The following ENAH variants were observed in gnomAD, a reference collection of about 807,000 sequenced individuals.
ENAH encodes protein enabled homolog.
In ENAH, 23 loss-of-function variants were observed where a neutral mutation model predicts 78.7. The observed-to-expected ratio is 0.29, with a 90% CI of 0.21 to 0.41. The LOEUF is 0.41. Among genes scored for constraint, ENAH ranks in the 10% least tolerant of loss-of-function variants. The pLI is 1.00. For missense variants in ENAH, 544 were observed against 691.0 expected, an observed-to-expected ratio of 0.79 and a Z score of 2.39; for synonymous variants, 226 against 241.0, an observed-to-expected ratio of 0.94 and a Z score of 0.58.
At chr1:225,532,605 A>G (rs2096543290) in intron 3 of ENAH, among the ~76,000 whole-genome samples, 1 of 152,118 alleles carries the variant, frequency 6.6e-6, no homozygotes, top group Admixed American at 6.6e-5. Context: ...TCAAAATTTC[A>G]ACTCAATCCT....
chr1:225,491,034 A>G lies in ENAH; in HGVS notation c.*6741T>C, dbSNP rs1207881408. ...TGATCAATGGGTGGAGGGAAACTCC[A>G]TATTTAAAATGCCCAGTGCCTCGGT... On this transcript the variant is annotated 3_prime_UTR_variant, in exon 14 of 14. Coordinates refer to ENST00000366843, the MANE Select transcript of ENAH (RefSeq NM_018212.6). 1 of 152,108 alleles carries G rather than the reference A, an allele frequency of 6.6e-6. No homozygotes were observed. The highest frequency in any genetic ancestry group is 2.4e-5 in the African/African-American group (1 of 41,456). The allele number at this position is 152,108 out of a possible 1,614,324, so 9.4% of individuals were successfully genotyped here.
chr1:225,602,471 G>C (rs182350944), intron 1 of ENAH, among the ~76,000 whole-genome samples: 6 of 152,038 alleles, frequency 3.9e-5, no homozygotes, highest in Non-Finnish European at 8.8e-5. Context: ...GTGTTTTTTT[G>C]TTGTTAATTA....
At position 225,540,697 on chromosome 1, in the gene ENAH, A is replaced by T. The variant is rs893637965; in HGVS notation, c.350-10059T>A. On this transcript the variant is annotated intron_variant, in intron 3 of 13. Coordinates refer to ENST00000366843, the MANE Select transcript of ENAH (RefSeq NM_018212.6). Reference sequence around the variant, plus strand: ...TTACCAAGTTTTAAAACGTTTATTTAAAAAAAAAAAAAAAACTAAAGAATC... The same window carrying T: ...TTACCAAGTTTTAAAACGTTTATTTTAAAAAAAAAAAAAAACTAAAGAATC... Among the ~76,000 whole-genome samples, 98 of 119,166 alleles carry T rather than the reference A, an allele frequency of 8.2e-4. 1 individual carries two copies. In the South Asian group the frequency reaches 0.026, roughly 32 times the overall value. The allele number at this position is 119,166 out of a possible 152,430, so 78.2% of individuals were successfully genotyped here.
At chr1:225,639,705 A>AACACACAC (rs374646635) in intron 1 of ENAH, among the ~76,000 whole-genome samples, 5,450 of 138,558 alleles carry the variant, frequency 0.039, 166 homozygotes, top group African/African-American at 0.089. Context: ...GGCGGGATTA[A>AACACACAC]ACACACACAC....
chr1:225,517,197 C>G lies in ENAH; in HGVS notation c.912G>C (p.Gln304His), dbSNP rs1481962498. 1 of 1,530,180 alleles carries G rather than the reference C, an allele frequency of 6.5e-7. No individual in the cohort carries two copies. 94.8% of individuals were successfully genotyped at this position (1,530,180 alleles called of 1,614,324 possible). A position where few individuals can be genotyped will look rare whatever the true frequency, so the allele number is the denominator to read the frequency against. Residue 304 changes from glutamine (Q) to histidine (H), a missense_variant and splice_region_variant, in exon 6 of 14, where the codon CAG becomes CAC. Physicochemically the swap from Gln to His is conservative, Grantham distance 24. Transcript: ENST00000366843. ...ASQPAETPSQ[Q>H]GIVLGPLAPP... ...TAGTAGCAATAATGAAAGCCTTACC[C>G]TGTTGGGATGGAGTCTCGGCCGGCT...
At chr1:225,504,923 A>G (rs1219711042) in intron 11 of ENAH, 1 of 1,206,342 alleles carries the variant, frequency 8.3e-7, no homozygotes, top group Non-Finnish European at 1.2e-6. Flanking sequence ...CCAGGTAGAA[A>G]AAGCTCAGCC....
intron 1 of ENAH, among the ~76,000 whole-genome samples, chr1:225,600,546 C>T (rs1468466783): frequency 6.6e-6 from 1 of 152,102 alleles, no homozygotes; most frequent in Non-Finnish European, 1.5e-5. Context: ...AAGCAACGAC[C>T]TAAGTGAGCT....
intron 1 of ENAH, among the ~76,000 whole-genome samples, chr1:225,632,381 T>C (rs1575801254): frequency 6.6e-6 from 1 of 151,702 alleles, no homozygotes; most frequent in African/African-American, 2.4e-5. Context: ...GCCTGTAATC[T>C]CAGCTACTCA....
intron 4 of ENAH, among the ~76,000 whole-genome samples, chr1:225,522,898 CT>C (rs766275546): frequency 9.2e-5 from 14 of 151,450 alleles, no homozygotes; most frequent in Non-Finnish European, 1.9e-4. Context: ...GTTTTTAGAT[CT>C]TTGAGCATTT....
Position 225,488,408 on chromosome 1 carries a change from C to T in ENAH, c.*9367G>A, listed in dbSNP as rs1055278715. ...GGCATTCACTCTGCCTGAAGTTGTGCTCTGCTCACAGCACGAGTGTGGCTG... is the reference window on the plus strand; with the variant it reads ...GGCATTCACTCTGCCTGAAGTTGTGTTCTGCTCACAGCACGAGTGTGGCTG... On this transcript the variant is annotated 3_prime_UTR_variant, in exon 14 of 14. Coordinates refer to ENST00000366843, the MANE Select transcript of ENAH (RefSeq NM_018212.6). 6.6e-6 allele frequency: 1 copy of T among 152,168 alleles called. No homozygotes were observed. Among genetic ancestry groups the T allele is most frequent in the Non-Finnish European group, 1.5e-5 (1 of 68,048 alleles). 9.4% of individuals were successfully genotyped at this position (152,168 alleles called of 1,614,324 possible).
intron 3 of ENAH, among the ~76,000 whole-genome samples, chr1:225,548,256 TA>T (rs1234917643): frequency 6.6e-6 from 1 of 152,026 alleles, no homozygotes; most frequent in East Asian, 1.9e-4. Context: ...TTTTCTAGTT[TA>T]ATACTATGCC....
intron 1 of ENAH, among the ~76,000 whole-genome samples, chr1:225,590,792 T>C (rs1558869357): frequency 6.6e-6 from 1 of 152,128 alleles, no homozygotes. Flanking sequence ...CATTCTTTCT[T>C]TCCTAGATTA....
intron 1 of ENAH, among the ~76,000 whole-genome samples, chr1:225,571,387 AAAAG>A (rs1051134985): frequency 2.0e-5 from 3 of 152,048 alleles, no homozygotes; most frequent in Non-Finnish European, 4.4e-5. Context: ...AAAAAGAAAA[AAAAG>A]AAAGAAAAAC....
chr1:225,501,516 G>A (rs2096282120), intron 11 of ENAH, among the ~76,000 whole-genome samples: 1 of 152,232 alleles, frequency 6.6e-6, no homozygotes, highest in Admixed American at 6.5e-5. Flanking sequence ...AGACTTGAAT[G>A]TTTTACACTA....
chr1:225,552,994 G>A (rs1235486154), intron 3 of ENAH, among the ~76,000 whole-genome samples: 1 of 152,170 alleles, frequency 6.6e-6, no homozygotes, highest in Non-Finnish European at 1.5e-5. Context: ...AGCACTTTGG[G>A]AGGCCGAGGT....
At chr1:225,645,296 T>G (rs1183043598) in intron 1 of ENAH, among the ~76,000 whole-genome samples, 5 of 152,252 alleles carry the variant, frequency 3.3e-5, no homozygotes, top group Non-Finnish European at 5.9e-5. Flanking sequence ...TCATGGCATA[T>G]ATCGCCTTTT....
At position 225,503,207 on chromosome 1, in the gene ENAH, T is replaced by C. The variant is rs183398200; in HGVS notation, c.1539-2137A>G. ...TAATCACCACTTTTTTTCTTAACTTTTACCAAAAAAGTTTATCAATAACAT... is the reference window on the plus strand; with the variant it reads ...TAATCACCACTTTTTTTCTTAACTTCTACCAAAAAAGTTTATCAATAACAT... On this transcript the variant is annotated intron_variant, in intron 11 of 13. Coordinates refer to ENST00000366843, the MANE Select transcript of ENAH (RefSeq NM_018212.6). Among the ~76,000 whole-genome samples the C allele has an allele frequency of 3.9e-5, 6 of 152,306 alleles. No homozygotes were observed. The East Asian group carries it at 7.7e-4, about 20-fold the overall frequency.
chr1:225,522,923 T>A (rs1254497377), intron 4 of ENAH, among the ~76,000 whole-genome samples: 1 of 152,184 alleles, frequency 6.6e-6, no homozygotes, highest in Non-Finnish European at 1.5e-5. Context: ...ACTTCTTCTA[T>A]TTTACCAAAA....
intron 1 of ENAH, among the ~76,000 whole-genome samples, chr1:225,618,374 T>TA (rs1198884798): frequency 6.6e-6 from 1 of 152,168 alleles, no homozygotes; most frequent in South Asian, 2.1e-4. Context: ...GCATCTCACT[T>TA]AAAAAAGAAT....
Sources: allele counts gnomAD v4.1 joint callset (sites outside exome capture counted in the v4.1 genomes callset), GRCh38; gene constraint gnomAD v4.1.1; transcripts MANE v1.5; gene names NCBI Gene and HGNC (gene_info 2026-07-23, HGNC 2026-07-21).